PAIP2B: variants seen among roughly 807,000 people sequenced by gnomAD.
The protein encoded by PAIP2B is polyadenylate-binding protein-interacting protein 2B.
PAIP2B carries 13 observed loss-of-function variants against 17.0 expected under a neutral mutation model. The ratio of observed to expected loss-of-function variants is 0.76; its 90% CI spans 0.50 to 1.22. The LOEUF is 1.22. PAIP2B is among the 50% of genes most tolerant of loss of function. The pLI, the probability that PAIP2B is intolerant of heterozygous loss-of-function variation, is 0.00. For missense variants in PAIP2B, 117 were observed against 144.5 expected, an observed-to-expected ratio of 0.81 and a Z score of 0.98; for synonymous variants, 43 against 48.7, an observed-to-expected ratio of 0.88 and a Z score of 0.48.
chr2:71,189,796 C>T (rs779380950), intron 3 of PAIP2B, 49 bp downstream of exon 3: 9 of 1,479,034 alleles, frequency 6.1e-6, no homozygotes, highest in African/African-American at 5.6e-5. Flanking sequence ...CATTCCAAAT[C>T]CTATATTCTT....
chr2:71,223,380 C>T (rs190591319), intron 1 of PAIP2B, among the ~76,000 whole-genome samples: 5 of 151,858 alleles, frequency 3.3e-5, no homozygotes, highest in Admixed American at 3.3e-4. Context: ...CATTGCACTC[C>T]AGCCTGGGTG....
intron 2 of PAIP2B, among the ~76,000 whole-genome samples, chr2:71,199,892 G>T (rs1289914477): frequency 6.6e-6 from 1 of 152,110 alleles, no homozygotes; most frequent in African/African-American, 2.4e-5. Flanking sequence ...GGGTGTTGGA[G>T]GATATAAGCC....
intron 1 of PAIP2B, among the ~76,000 whole-genome samples, chr2:71,219,082 A>AT (rs568552077): frequency 0.06 from 6,882 of 113,870 alleles, 574 homozygotes; most frequent in East Asian, 0.45. Flanking sequence ...CGCCTAGCTA[A>AT]TTTTTTTTTT....
chr2:71,222,752 CAGTT>C (rs1334474921), intron 1 of PAIP2B, among the ~76,000 whole-genome samples: 2 of 152,150 alleles, frequency 1.3e-5, no homozygotes, highest in Non-Finnish European at 2.9e-5. Flanking sequence ...CAAAGGAACT[CAGTT>C]GGTAGGTAGC....
rs528079988 is a variant in PAIP2B, at chr2:71,203,296, T to C, written c.-11-696A>G. On this transcript the variant is annotated intron_variant, in intron 1 of 3. Transcript: ENST00000244221. ...GTTGTTTAATAACATAGCCATACCA[T>C]CTTTTGGGGGTGTTTCCAATGTTTC... Among the ~76,000 whole-genome samples the C allele has an allele frequency of 3.1e-3, 474 of 152,210 alleles. 4 individuals are homozygous for C. Among genetic ancestry groups the C allele is most frequent in the African/African-American group, 0.011 (449 of 41,550 alleles).
intron 1 of PAIP2B, among the ~76,000 whole-genome samples, chr2:71,221,744 A>G (rs1021067773): frequency 2.0e-5 from 3 of 152,218 alleles, no homozygotes; most frequent in Non-Finnish European, 4.4e-5. Context: ...AAAATATGCT[A>G]TAGTCATACT....
chr2:71,206,217 T>C lies in PAIP2B; in HGVS notation c.-11-3617A>G, dbSNP rs1035851257. Among the ~76,000 whole-genome samples the C allele has an allele frequency of 3.3e-5, 5 of 152,196 alleles. No individual in the cohort carries two copies. In the East Asian group the frequency reaches 9.6e-4, roughly 29 times the overall value. On this transcript the variant is annotated intron_variant, in intron 1 of 3. Transcript: ENST00000244221. Reference sequence around the variant, plus strand: ...TCTTTTTATCTATCAAGAAGACAAATGTGCAATTTGAAATAGGTCACTGCT... The same window carrying C: ...TCTTTTTATCTATCAAGAAGACAAACGTGCAATTTGAAATAGGTCACTGCT...
intron 1 of PAIP2B, among the ~76,000 whole-genome samples, chr2:71,206,288 A>AGT (rs1404514545): frequency 6.6e-6 from 1 of 152,196 alleles, no homozygotes; most frequent in Non-Finnish European, 1.5e-5. Flanking sequence ...TAGATAAAGG[A>AGT]GTTTGTGTCT....
chr2:71,182,951 AG>A lies in PAIP2B; in HGVS notation c.*5527del, dbSNP rs1304997268. 1 of 120,762 alleles carries A rather than the reference AG, an allele frequency of 8.3e-6. No individual in the cohort carries two copies. Among genetic ancestry groups the A allele is most frequent in the Non-Finnish European group, 1.7e-5 (1 of 59,342 alleles). The allele number at this position is 120,762 out of a possible 1,614,324, so 7.5% of individuals were successfully genotyped here. ...ACAGCTTTATAAACACTTGTGAAAC[AG>A]GGGTAAGTGTCCGAAGTCAAGACCT... On this transcript the variant is annotated 3_prime_UTR_variant, in exon 4 of 4. Transcript: ENST00000244221.
At chr2:71,210,160 C>T (rs1675259411) in intron 1 of PAIP2B, among the ~76,000 whole-genome samples, 1 of 152,016 alleles carries the variant, frequency 6.6e-6, no homozygotes, top group African/African-American at 2.4e-5. Context: ...ATACTTTGCA[C>T]TAAAATAATT....
chr2:71,195,905 G>A (rs1479021458), intron 2 of PAIP2B, among the ~76,000 whole-genome samples: 2 of 152,168 alleles, frequency 1.3e-5, no homozygotes, highest in Non-Finnish European at 2.9e-5. Context: ...CCTAAGTGCT[G>A]GGACTATAGG....
intron 1 of PAIP2B, among the ~76,000 whole-genome samples, chr2:71,221,882 A>C (rs1675591320): frequency 1.3e-5 from 2 of 152,168 alleles, no homozygotes; most frequent in South Asian, 4.1e-4. Flanking sequence ...TGTAAAATGC[A>C]CCAATCAGCA....
intron 2 of PAIP2B, among the ~76,000 whole-genome samples, chr2:71,191,909 GCTGAAGTAGT>G (rs1674696478): frequency 6.6e-6 from 1 of 152,164 alleles, no homozygotes; most frequent in Admixed American, 6.5e-5. Flanking sequence ...CTGAATCTTT[GCTGAAGTAGT>G]CTAGCCAACC....
chr2:71,210,143 C>A (rs1675258642), intron 1 of PAIP2B, among the ~76,000 whole-genome samples: 1 of 151,982 alleles, frequency 6.6e-6, no homozygotes, highest in East Asian at 1.9e-4. Flanking sequence ...TTTTTATATA[C>A]CATGTCATAC....
chr2:71,195,549 G>T (rs1293724537), intron 2 of PAIP2B, among the ~76,000 whole-genome samples: 1 of 152,008 alleles, frequency 6.6e-6, no homozygotes. Flanking sequence ...ATTTCTGTGG[G>T]GTCAGTAGTA....
Position 71,227,015 on chromosome 2 carries a change from C to T in PAIP2B, c.-99G>A, listed in dbSNP as rs752673725. On this transcript the variant is annotated 5_prime_UTR_variant, in exon 1 of 4. The change creates a new upstream start codon in the 5' untranslated region. Transcript: ENST00000244221. ...GTTGCCGTAGAGGTCGCCGTCGCCACAACAGTCTCGGCCTTTAGTACCAAA... is the reference window on the plus strand; with the variant it reads ...GTTGCCGTAGAGGTCGCCGTCGCCATAACAGTCTCGGCCTTTAGTACCAAA... 7 of 153,250 alleles carry T rather than the reference C, an allele frequency of 4.6e-5. No individual in the cohort carries two copies. The highest frequency in any genetic ancestry group is 1.3e-4 in the Admixed American group (2 of 15,282). The allele number at this position is 153,250 out of a possible 1,614,324, so 9.5% of individuals were successfully genotyped here.
intron 2 of PAIP2B, among the ~76,000 whole-genome samples, chr2:71,192,483 G>C (rs921012921): frequency 6.6e-6 from 1 of 151,738 alleles, no homozygotes; most frequent in Non-Finnish European, 1.5e-5. Context: ...TGAAGTACAC[G>C]TGAAGGTTAC....
chr2:71,213,839 A>G (rs979034758), intron 1 of PAIP2B, among the ~76,000 whole-genome samples: 1 of 152,172 alleles, frequency 6.6e-6, no homozygotes, highest in Non-Finnish European at 1.5e-5. Flanking sequence ...AGAAAAAACA[A>G]CTATCGTAAT....
In PAIP2B at chr2:71,185,067, CAAG is replaced by C. The variant is rs1373350927; in HGVS notation, c.*3409_*3411del. The stretch of plus-strand genomic sequence containing the variant: ...CCTGGGGTTTGCAGCAGCCCTAGTA[CAAG>C]AAGATTCATTCGTGCTGTTTACTTT... On this transcript the variant is annotated 3_prime_UTR_variant, in exon 4 of 4. Transcript: ENST00000244221. The C allele has an allele frequency of 6.6e-6, 1 of 152,162 alleles. No homozygotes were observed. The allele number at this position is 152,162 out of a possible 1,614,324, so 9.4% of individuals were successfully genotyped here.
Sources: allele counts gnomAD v4.1 joint callset (sites outside exome capture counted in the v4.1 genomes callset), GRCh38; gene constraint gnomAD v4.1.1; transcripts MANE v1.5; gene names NCBI Gene and HGNC (gene_info 2026-07-23, HGNC 2026-07-21).